The following WDFY2 variants were observed in gnomAD, a reference collection of about 807,000 sequenced individuals.
The protein encoded by WDFY2 is WD repeat and FYVE domain containing 2.
In WDFY2, 36 loss-of-function variants were observed where a neutral mutation model predicts 56.4. The ratio of observed to expected loss-of-function variants is 0.64; its 90% confidence interval spans 0.49 to 0.84. The LOEUF (loss-of-function observed/expected upper bound fraction) is 0.84. WDFY2 is among the 40% of genes least tolerant of loss of function. WDFY2 has a pLI of 0.00. For synonymous variants in WDFY2, 176 were observed against 183.7 expected, an observed-to-expected ratio of 0.96 and a Z score of 0.34; for missense variants, 444 against 512.2, an observed-to-expected ratio of 0.87 and a Z score of 1.29.
chr13:51,613,278 C>T (rs910865470), intron 1 of WDFY2, among the ~76,000 whole-genome samples: 19 of 152,050 alleles, frequency 1.2e-4, no homozygotes, highest in African/African-American at 3.6e-4. Context: ...AGCATATGCC[C>T]CCCATCTCCC....
At chr13:51,590,778 A>G (rs1406814147) in intron 1 of WDFY2, 3 of 152,096 alleles carry the variant, frequency 2.0e-5, no homozygotes, top group Non-Finnish European at 4.4e-5. Context: ...AAAAACAAAA[A>G]AAACTCCCCT....
At chr13:51,649,015 C>T (rs1955314765) in intron 1 of WDFY2, among the ~76,000 whole-genome samples, 1 of 152,178 alleles carries the variant, frequency 6.6e-6, no homozygotes, top group South Asian at 2.1e-4. Flanking sequence ...AGTGTGGTGG[C>T]ATGCACGTGT....
chr13:51,658,039 AC>A (rs1444632550), intron 1 of WDFY2, among the ~76,000 whole-genome samples: 1 of 151,846 alleles, frequency 6.6e-6, no homozygotes, highest in African/African-American at 2.4e-5. Context: ...TTCTTTGTAT[AC>A]TTTGCAATTT....
intron 2 of WDFY2, 50 bp from the exon 3 acceptor site, chr13:51,675,120 G>T (rs765119652): frequency 2.5e-6 from 4 of 1,575,394 alleles, no homozygotes; most frequent in South Asian, 2.2e-5. Context: ...CTCCTGAGTC[G>T]ATGAGAATCA....
chr13:51,599,259 C>T (rs1197761506), intron 1 of WDFY2: 2 of 152,188 alleles, frequency 1.3e-5, no homozygotes, highest in Non-Finnish European at 2.9e-5. Flanking sequence ...TTGCTTTGGC[C>T]TTGGAGGCTA....
intron 2 of WDFY2, among the ~76,000 whole-genome samples, chr13:51,673,854 A>G (rs947193255): frequency 6.6e-6 from 1 of 152,194 alleles, no homozygotes; most frequent in Non-Finnish European, 1.5e-5. Flanking sequence ...TCTGTTATAC[A>G]GGTGGAAGTT....
At chr13:51,691,682 T>A (rs1401527239) in intron 3 of WDFY2, among the ~76,000 whole-genome samples, 1 of 152,088 alleles carries the variant, frequency 6.6e-6, no homozygotes, top group Admixed American at 6.5e-5. Context: ...CGATGCGGGC[T>A]CTTTTTTGGT....
At chr13:51,666,554 C>T (rs892985716) in intron 2 of WDFY2, among the ~76,000 whole-genome samples, 2 of 152,120 alleles carry the variant, frequency 1.3e-5, no homozygotes, top group African/African-American at 4.8e-5. Context: ...CTGTTTATTC[C>T]AGTGGCTGTA....
Position 51,762,991 on chromosome 13 carries a change from G to A in WDFY2, c.*3222G>A, listed in dbSNP as rs1953636061. The A allele has an allele frequency of 6.6e-6, 1 of 152,156 alleles. No homozygotes were observed. Among genetic ancestry groups the A allele is most frequent in the Non-Finnish European group, 1.5e-5 (1 of 68,026 alleles). 9.4% of individuals were successfully genotyped at this position (152,156 alleles called of 1,614,324 possible). A position where few individuals can be genotyped will look rare whatever the true frequency, so the allele number is the denominator to read the frequency against. ...GGAATCTTATGTCATTTTGTATGGG[G>A]TCAATCCACCATAACGTGTTTCTCA... On this transcript the variant is annotated 3_prime_UTR_variant, in exon 12 of 12. Transcript: ENST00000298125.
intron 4 of WDFY2, among the ~76,000 whole-genome samples, chr13:51,718,798 T>C (rs1268583927): frequency 6.6e-6 from 1 of 152,196 alleles, no homozygotes; most frequent in Non-Finnish European, 1.5e-5. Flanking sequence ...GGTAGTGATA[T>C]TATATGAACA....
chr13:51,641,976 C>T (rs2138405400), intron 1 of WDFY2, among the ~76,000 whole-genome samples: 1 of 151,240 alleles, frequency 6.6e-6, no homozygotes, highest in Non-Finnish European at 1.5e-5. Context: ...AGCTAATTTC[C>T]TTGTCATTAG....
At chr13:51,702,123 C>T (rs1951997736) in intron 3 of WDFY2, among the ~76,000 whole-genome samples, 1 of 152,048 alleles carries the variant, frequency 6.6e-6, no homozygotes, top group Non-Finnish European at 1.5e-5. Context: ...ACCAGCCTGG[C>T]CAACATGGTG....
In WDFY2 at chr13:51,760,105, T is replaced by C; in HGVS notation, c.*336T>C. On this transcript the variant is annotated 3_prime_UTR_variant, in exon 12 of 12. Coordinates refer to ENST00000298125, the MANE Select transcript of WDFY2 (RefSeq NM_052950.4). Reference sequence around the variant, plus strand: ...CAACACCCCATTTTACTTGTTGCTTTGTCAGAGAAATAAGGGAGGTATCTA... The same window carrying C: ...CAACACCCCATTTTACTTGTTGCTTCGTCAGAGAAATAAGGGAGGTATCTA... 1 of 224,652 alleles carries C rather than the reference T, an allele frequency of 4.5e-6. No individual in the cohort carries two copies. Among genetic ancestry groups the C allele is most frequent in the Non-Finnish European group, 8.7e-6 (1 of 114,486 alleles). 13.9% of individuals were successfully genotyped at this position (224,652 alleles called of 1,614,324 possible). A position where few individuals can be genotyped will look rare whatever the true frequency, so the allele number is the denominator to read the frequency against.
chr13:51,620,085 G>A lies in WDFY2; in HGVS notation c.137+35261G>A, dbSNP rs905315855. ...ACAGAAATACAGGAGGGGAGGCAGCGCCCAAATCTGGTTCCACCCAGTAAA... is the reference window on the plus strand; with the variant it reads ...ACAGAAATACAGGAGGGGAGGCAGCACCCAAATCTGGTTCCACCCAGTAAA... On this transcript the variant is annotated intron_variant, in intron 1 of 11. Coordinates refer to ENST00000298125, the MANE Select transcript of WDFY2 (RefSeq NM_052950.4). Among the ~76,000 whole-genome samples, 5 of 152,158 alleles carry A rather than the reference G, an allele frequency of 3.3e-5. No homozygotes were observed. The East Asian group carries it at 5.8e-4, about 18-fold the overall frequency.
At chr13:51,622,562 T>C (rs1190265347) in intron 1 of WDFY2, among the ~76,000 whole-genome samples, 1 of 152,230 alleles carries the variant, frequency 6.6e-6, no homozygotes. Context: ...ATTCTGAGCC[T>C]GGTGGAGGGC....
At chr13:51,751,239 G>A in intron 7 of WDFY2, 71 bp from the exon 8 acceptor site, 3 of 1,496,230 alleles carry the variant, frequency 2.0e-6, no homozygotes, top group Non-Finnish European at 2.7e-6. Flanking sequence ...GGCTGACTTT[G>A]CCAAGGTTTC....
rs1270699806 is a variant in WDFY2, at chr13:51,760,085, CCCCA to C, written c.*317_*320del. 7.9e-6 allele frequency: 2 copies of C among 253,040 alleles called. No individual in the cohort carries two copies. Among genetic ancestry groups the C allele is most frequent in the Non-Finnish European group, 1.5e-5 (2 of 133,004 alleles). 15.7% of individuals were successfully genotyped at this position (253,040 alleles called of 1,614,324 possible). ...TGTTTAATTTTTATACTTTTCAACA[CCCCA>C]TTTTACTTGTTGCTTTGTCAGAGAA... On this transcript the variant is annotated 3_prime_UTR_variant, in exon 12 of 12. Transcript: ENST00000298125.
At chr13:51,683,764 T>G (rs2138523440) in intron 3 of WDFY2, among the ~76,000 whole-genome samples, 1 of 152,312 alleles carries the variant, frequency 6.6e-6, no homozygotes, top group African/African-American at 2.4e-5. Flanking sequence ...CCTTCCCCCT[T>G]GCTGGCTAGA....
chr13:51,756,358 C>T lies in WDFY2; in HGVS notation c.960C>T (p.Ala320=), dbSNP rs755847852. The T allele has an allele frequency of 8.7e-6, 14 of 1,613,676 alleles. No individual in the cohort carries two copies. Among genetic ancestry groups the T allele is most frequent in the South Asian group, 3.3e-5 (3 of 91,068 alleles). ...ACCACTGCCGCAAGTGTGGGAAGGC[C>T]GTCTGTGGCAAGTGCAGCTCCAAGC... ...RQHHCRKCGK[A]VCGKCSSKRS... is the part of the protein sequence containing the mutation. The change falls in exon 10 of 12, where the codon GCC becomes GCT. Residue 320 remains alanine (A), a synonymous_variant. Transcript: ENST00000298125.
Sources: gnomAD v4.1 joint callset for allele counts (sites outside exome capture counted in the v4.1 genomes callset) on GRCh38, gnomAD v4.1.1 for gene constraint, MANE v1.5 for transcripts, NCBI Gene and HGNC (gene_info 2026-07-23, HGNC 2026-07-21) for gene names.